TCF25: variants seen among roughly 807,000 people sequenced by gnomAD.
The protein encoded by TCF25 is TCF25 ribosome quality control complex subunit.
A neutral mutation model predicts 83.1 loss-of-function variants in TCF25; 41 were observed. The ratio of observed to expected loss-of-function variants is 0.49; its 90% CI spans 0.38 to 0.64. The LOEUF (loss-of-function observed/expected upper bound fraction) is 0.64, where lower values mean the gene tolerates loss of function less well. TCF25 is among the 30% of genes least tolerant of loss of function. The pLI is 0.00. For missense variants in TCF25, 979 were observed against 914.5 expected (o/e 1.07, Z -0.91); for synonymous variants, 458 against 365.0 (o/e 1.25, Z -2.90).
chr16:89,900,301 T>C (rs191896251), intron 11 of TCF25, among the ~76,000 whole-genome samples: 9 of 131,696 alleles, frequency 6.8e-5, no homozygotes, highest in Non-Finnish European at 1.4e-4. Flanking sequence ...TGGGCTGCTC[T>C]CGTCTGTAAA....
At chr16:89,884,548 C>G in intron 2 of TCF25, 34 bp from the exon 3 acceptor site, 1 of 1,605,742 alleles carries the variant, frequency 6.2e-7, no homozygotes, top group South Asian at 1.1e-5. Context: ...ATTTACTTCT[C>G]ATTCTACTGA....
intron 8 of TCF25, 37 bp from the exon 9 acceptor site, chr16:89,895,953 G>T (rs1255860489): frequency 1.4e-5 from 22 of 1,589,456 alleles, no homozygotes; most frequent in Non-Finnish European, 1.7e-5. Flanking sequence ...GCTGTGTGTG[G>T]CCATGACACC....
intron 16 of TCF25, among the ~76,000 whole-genome samples, chr16:89,907,634 C>T (rs1165719812): frequency 3.7e-5 from 3 of 82,006 alleles, no homozygotes; most frequent in Non-Finnish European, 8.0e-5. Context: ...CCGCCTCCCT[C>T]ATCCTAGTTC....
chr16:89,892,660 T>G (rs1187816292), intron 6 of TCF25, among the ~76,000 whole-genome samples: 3 of 152,274 alleles, frequency 2.0e-5, no homozygotes, highest in Non-Finnish European at 4.4e-5. Context: ...GAGTTCATTT[T>G]AAACTGCAAT....
At chr16:89,892,077 A>T in intron 5 of TCF25, 116 bp from the exon 6 acceptor site, 1 of 959,400 alleles carries the variant, frequency 1.0e-6, no homozygotes, top group Non-Finnish European at 1.5e-6. Context: ...CCTGCCCCAC[A>T]TGCCTTCTCT....
intron 12 of TCF25, 158 bp downstream of exon 12, chr16:89,900,952 A>G: frequency 1.1e-6 from 1 of 870,826 alleles, no homozygotes; most frequent in Non-Finnish European, 1.6e-6. Context: ...CCAAACCTGA[A>G]AGAGGGTCGG....
Position 89,895,988 on chromosome 16 carries a change from A to C in TCF25, c.929-2A>C. 1 of 1,613,540 alleles carries C rather than the reference A, an allele frequency of 6.2e-7. No homozygotes were observed. Among genetic ancestry groups the C allele is most frequent in the Non-Finnish European group, 8.5e-7 (1 of 1,179,772 alleles). ...CCTCCCCTGGCGTCCCTGTGCCCAC[A>C]GAGAGAGCGCTGTACAGCATGGAAT... On this transcript the variant is annotated splice_acceptor_variant, in intron 8 of 17. Transcript: ENST00000263346. LOFTEE classifies it high-confidence loss of function.
chr16:89,909,258 T>A, intron 16 of TCF25: 1 of 850,112 alleles, frequency 1.2e-6, no homozygotes, highest in Non-Finnish European at 1.6e-6. Context: ...ACGCCTGTAA[T>A]TCCAGCAGTT....
intron 16 of TCF25, among the ~76,000 whole-genome samples, chr16:89,908,610 C>T (rs1452153799): frequency 4.0e-4 from 37 of 92,540 alleles, no homozygotes; most frequent in South Asian, 1.0e-3. Flanking sequence ...TCCCTCCTCC[C>T]AGCTCCCACC....
chr16:89,881,825 G>A (rs2042630032), intron 1 of TCF25, among the ~76,000 whole-genome samples: 2 of 152,050 alleles, frequency 1.3e-5, no homozygotes, highest in African/African-American at 2.4e-5. Context: ...CATAATCTTG[G>A]CTCGCTGCAA....
At chr16:89,899,705 G>C (rs2044166897) in intron 11 of TCF25, among the ~76,000 whole-genome samples, 1 of 151,668 alleles carries the variant, frequency 6.6e-6, no homozygotes, top group African/African-American at 2.4e-5. Flanking sequence ...TCCAGTCTGG[G>C]CAACCAGAGT....
intron 1 of TCF25, among the ~76,000 whole-genome samples, chr16:89,881,229 T>TCAC (rs2042583219): frequency 6.6e-6 from 1 of 152,180 alleles, no homozygotes; most frequent in African/African-American, 2.4e-5. Flanking sequence ...AGCCGGGGTG[T>TCAC]CTGTCTTCCC....
chr16:89,876,824 G>C (rs1392216744), intron 1 of TCF25, among the ~76,000 whole-genome samples: 1 of 151,918 alleles, frequency 6.6e-6, no homozygotes, highest in African/African-American at 2.4e-5. Flanking sequence ...AGCTACTCAG[G>C]AGGCTGAGGC....
At chr16:89,897,557 T>C (rs1243330584) in intron 9 of TCF25, among the ~76,000 whole-genome samples, 1 of 152,256 alleles carries the variant, frequency 6.6e-6, no homozygotes, top group Non-Finnish European at 1.5e-5. Context: ...TCCACTGGTT[T>C]TCTTTATGTT....
At chr16:89,873,991 G>C in intron 1 of TCF25, 132 bp downstream of exon 1, 1 of 1,164,052 alleles carries the variant, frequency 8.6e-7, no homozygotes, top group Admixed American at 3.2e-5. Context: ...CCCAGCCGCA[G>C]TGGGGAGGGC....
chr16:89,897,767 A>C (rs1410479470), intron 9 of TCF25, among the ~76,000 whole-genome samples: 1 of 152,236 alleles, frequency 6.6e-6, no homozygotes, highest in Non-Finnish European at 1.5e-5. Flanking sequence ...TCGTAATTGT[A>C]ACAAGAGATT....
At chr16:89,910,395 C>T in intron 16 of TCF25, 196 bp from the exon 17 acceptor site, 1 of 611,274 alleles carries the variant, frequency 1.6e-6, no homozygotes, top group Non-Finnish European at 2.9e-6. Context: ...TCCACAGCCC[C>T]ACCCTAAGCT....
At chr16:89,881,649 T>G (rs1269010756) in intron 1 of TCF25, among the ~76,000 whole-genome samples, 1 of 152,118 alleles carries the variant, frequency 6.6e-6, no homozygotes, top group African/African-American at 2.4e-5. Flanking sequence ...CTCACTGTAT[T>G]GCCTAGGCTG....
intron 1 of TCF25, among the ~76,000 whole-genome samples, chr16:89,875,950 T>C (rs950956611): frequency 6.7e-6 from 1 of 149,896 alleles, no homozygotes; most frequent in Non-Finnish European, 1.5e-5. Context: ...CAGCTGGGAC[T>C]ACAGCATACC....
Sources: gnomAD v4.1 joint callset for allele counts (sites outside exome capture counted in the v4.1 genomes callset) on GRCh38, gnomAD v4.1.1 for gene constraint, MANE v1.5 for transcripts, NCBI Gene and HGNC (gene_info 2026-07-23, HGNC 2026-07-21) for gene names.